The following C12orf54 variants were observed in gnomAD, a reference collection of about 807,000 sequenced individuals.
C12orf54 encodes chromosome 12 open reading frame 54.
In C12orf54, 24 loss-of-function variants were observed where a neutral mutation model predicts 26.4. The ratio of observed to expected loss-of-function variants is 0.91; its 90% confidence interval spans 0.66 to 1.28. C12orf54 has a LOEUF of 1.28. C12orf54 is among the 50% of genes most tolerant of loss of function. The probability of loss-of-function intolerance (pLI) is 0.00; values close to 1 mark genes in which losing one functional copy is unlikely to be tolerated. For missense variants in C12orf54, 154 were observed against 150.9 expected (o/e 1.02, Z -0.11); for synonymous variants, 54 against 47.0 (o/e 1.15, Z -0.61).
upstream of C12orf54, among the ~76,000 whole-genome samples, chr12:48,478,686 T>C (rs1302510881): frequency 1.3e-5 from 2 of 152,090 alleles, no homozygotes; most frequent in Non-Finnish European, 2.9e-5. Flanking sequence ...GAATCCAACT[T>C]ACAAGGGACG....
chr12:48,439,050 A>C, the C12orf54 span, among the ~76,000 whole-genome samples: 2 of 152,208 alleles, frequency 1.3e-5, no homozygotes, highest in Non-Finnish European at 2.9e-5. Flanking sequence ...AACTCAAACA[A>C]ATTTACAAGA....
At chr12:48,483,435 G>A (rs1954222250) in intron 2 of C12orf54, 74 bp downstream of exon 2, 1 of 1,402,854 alleles carries the variant, frequency 7.1e-7, no homozygotes. Flanking sequence ...AGGGCCTCCT[G>A]TCTTCTATGG....
upstream of C12orf54, among the ~76,000 whole-genome samples, chr12:48,479,189 A>T (rs1240617386): frequency 3.9e-5 from 6 of 152,216 alleles, no homozygotes; most frequent in African/African-American, 1.2e-4. Context: ...ACCATAAAAA[A>T]TGATGAGTTC....
At chr12:48,472,153 T>C in the C12orf54 span, among the ~76,000 whole-genome samples, 1 of 152,232 alleles carries the variant, frequency 6.6e-6, no homozygotes, top group Non-Finnish European at 1.5e-5. Flanking sequence ...TTGAATACTA[T>C]TGGTGTATAG....
the C12orf54 span, among the ~76,000 whole-genome samples, chr12:48,436,285 C>G: frequency 6.6e-6 from 1 of 152,180 alleles, no homozygotes; most frequent in Non-Finnish European, 1.5e-5. Flanking sequence ...TACAAACAGA[C>G]TTAGACTCCC....
At chr12:48,491,759 G>T (rs980968666) in intron 6 of C12orf54, among the ~76,000 whole-genome samples, 10 of 152,160 alleles carry the variant, frequency 6.6e-5, no homozygotes, top group African/African-American at 2.4e-4. Flanking sequence ...TAGCAGAAAA[G>T]CCATATCTGG....
At chr12:48,460,337 A>G in the C12orf54 span, among the ~76,000 whole-genome samples, 1 of 152,174 alleles carries the variant, frequency 6.6e-6, no homozygotes, top group African/African-American at 2.4e-5. Context: ...TAATGTAAAT[A>G]TTTACATTTA....
the C12orf54 span, chr12:48,472,534 G>A: frequency 1.9e-6 from 2 of 1,039,258 alleles, no homozygotes; most frequent in Non-Finnish European, 2.8e-6. Context: ...TTTTGGGTGT[G>A]TTTGGAATTA....
intron 6 of C12orf54, among the ~76,000 whole-genome samples, chr12:48,492,429 C>T (rs560679483): frequency 1.3e-5 from 2 of 152,302 alleles, no homozygotes; most frequent in East Asian, 3.9e-4. Context: ...CTCCTTCATC[C>T]TCAGAAGCCT....
chr12:48,486,343 G>A (rs1463523737), intron 3 of C12orf54, 135 bp downstream of exon 3: 1 of 853,138 alleles, frequency 1.2e-6, no homozygotes, highest in Non-Finnish European at 1.9e-6. Context: ...TGACTGGCTG[G>A]TGGAGTGGGT....
At chr12:48,415,061 C>T in the C12orf54 span, among the ~76,000 whole-genome samples, 1 of 152,176 alleles carries the variant, frequency 6.6e-6, no homozygotes, top group African/African-American at 2.4e-5. Context: ...ATCCAGCCTC[C>T]GTTTGAATGT....
At chr12:48,436,613 G>A in the C12orf54 span, among the ~76,000 whole-genome samples, 23 of 152,234 alleles carry the variant, frequency 1.5e-4, no homozygotes, top group East Asian at 2.3e-3. Flanking sequence ...ACTCAAAACC[G>A]CTCAACTACA....
the C12orf54 span, among the ~76,000 whole-genome samples, chr12:48,468,529 A>G: frequency 2.0e-5 from 3 of 152,248 alleles, no homozygotes; most frequent in Non-Finnish European, 4.4e-5. Context: ...CATTTTATGT[A>G]TAAAGATACA....
the C12orf54 span, among the ~76,000 whole-genome samples, chr12:48,446,708 T>A: frequency 0.12 from 17,981 of 152,226 alleles, 1,123 homozygotes; most frequent in African/African-American, 0.15. Context: ...TGCCATGTAT[T>A]TAATTACTAG....
At chr12:48,416,961 A>T in the C12orf54 span, among the ~76,000 whole-genome samples, 1 of 151,948 alleles carries the variant, frequency 6.6e-6, no homozygotes. Context: ...GTTTGGTATG[A>T]TCTCCCCTCA....
the C12orf54 span, among the ~76,000 whole-genome samples, chr12:48,473,903 A>G: frequency 1.3e-5 from 2 of 152,198 alleles, no homozygotes; most frequent in African/African-American, 4.8e-5. Context: ...TGGTTTGTAA[A>G]TAGCAACCTA....
At chr12:48,495,981 G>T (rs1475744471) in intron 8 of C12orf54, among the ~76,000 whole-genome samples, 200 bp from the exon 9 acceptor site, 1 of 152,136 alleles carries the variant, frequency 6.6e-6, no homozygotes, top group Non-Finnish European at 1.5e-5. Context: ...TCCTGATGTG[G>T]AAACTACACA....
At chr12:48,435,237 G>T in the C12orf54 span, among the ~76,000 whole-genome samples, 18 of 152,296 alleles carry the variant, frequency 1.2e-4, 1 homozygote, top group East Asian at 2.5e-3. Context: ...AACAAACAAA[G>T]CCTCCAAGAA....
the C12orf54 span, among the ~76,000 whole-genome samples, chr12:48,449,395 T>C: frequency 6.6e-6 from 1 of 152,222 alleles, no homozygotes; most frequent in African/African-American, 2.4e-5. Flanking sequence ...TTCTTTTTTG[T>C]CACATAATAT....
Sources: allele counts gnomAD v4.1 joint callset (sites outside exome capture counted in the v4.1 genomes callset), GRCh38; gene constraint gnomAD v4.1.1; transcripts MANE v1.5; gene names NCBI Gene and HGNC (gene_info 2026-07-23, HGNC 2026-07-21).